KCTD14: variants seen among roughly 807,000 people sequenced by gnomAD.
The protein encoded by KCTD14 is potassium channel tetramerization domain containing 14, also known as BTB/POZ domain-containing protein KCTD14.
In KCTD14, 7 loss-of-function variants were observed where a neutral mutation model predicts 5.9. The observed-to-expected ratio is 1.19, with a 90% CI of 0.68 to 2.23. The LOEUF is 2.23. Among genes scored for constraint, KCTD14 ranks in the 30% most tolerant of loss-of-function variants. KCTD14 has a pLI of 0.00. For synonymous variants in KCTD14, 140 were observed against 133.1 expected, an observed-to-expected ratio of 1.05 and a Z score of -0.36; for missense variants, 342 against 332.2, an observed-to-expected ratio of 1.03 and a Z score of -0.23.
upstream of KCTD14, among the ~76,000 whole-genome samples, chr11:78,025,676 G>A (rs1857446464): frequency 1.3e-5 from 2 of 152,196 alleles, no homozygotes; most frequent in Admixed American, 6.5e-5. Context: ...TATAACAGTG[G>A]CCAGTGTAGA....
intron 1 of KCTD14, among the ~76,000 whole-genome samples, chr11:78,017,683 G>A (rs1364611996): frequency 2.0e-5 from 3 of 152,004 alleles, no homozygotes; most frequent in African/African-American, 7.2e-5. Context: ...GACCTCACGT[G>A]ATCCGCCTGC....
chr11:78,029,378 T>C (rs1461757073), intron 2 of KCTD14, among the ~76,000 whole-genome samples: 1 of 152,142 alleles, frequency 6.6e-6, no homozygotes, highest in Admixed American at 6.6e-5. Context: ...CTCCCGGTTA[T>C]GGGCACCCTA....
chr11:78,023,065 G>A lies in KCTD14; in HGVS notation c.90+95C>T, dbSNP rs566017786. On this transcript the variant is annotated intron_variant, in intron 1 of 1. Transcript: ENST00000353172. The stretch of plus-strand genomic sequence containing the variant: ...CCAGAAGCAGGGGGCTCGGGCGTCT[G>A]GGAGGGACGGGCAGGAGAAACTGGA... The A allele has an allele frequency of 7.7e-5, 65 of 846,182 alleles. No homozygotes were observed. In the East Asian group the frequency reaches 1.5e-3, roughly 20 times the overall value. The allele number at this position is 846,182 out of a possible 1,614,324, so 52.4% of individuals were successfully genotyped here.
At chr11:78,023,476 C>T (rs781348330), upstream of KCTD14, 9 of 520,868 alleles carry the variant, frequency 1.7e-5, no homozygotes, top group South Asian at 2.6e-5. Context: ...AAGGACTGAC[C>T]TTTTGATATA....
In KCTD14 at chr11:78,016,537, C is replaced by A. The variant is rs948444320; in HGVS notation, c.*56G>T. 8.8e-6 allele frequency: 13 copies of A among 1,476,730 alleles called. No homozygotes were observed. The highest frequency in any genetic ancestry group is 1.4e-5 in the African/African-American group (1 of 71,122). The allele number at this position is 1,476,730 out of a possible 1,614,324, so 91.5% of individuals were successfully genotyped here. ...AATTAAAAGAAAATGGCTTTGATGGCAACTTTTAATTTCATAAGCCACGCC... is the reference window on the plus strand; with the variant it reads ...AATTAAAAGAAAATGGCTTTGATGGAAACTTTTAATTTCATAAGCCACGCC... On this transcript the variant is annotated 3_prime_UTR_variant, in exon 2 of 2. Coordinates refer to ENST00000353172, the MANE Select transcript of KCTD14 (RefSeq NM_023930.4).
At chr11:78,028,338 C>A (rs1857521206) in intron 2 of KCTD14, among the ~76,000 whole-genome samples, 1 of 152,180 alleles carries the variant, frequency 6.6e-6, no homozygotes, top group African/African-American at 2.4e-5. Flanking sequence ...GGAGCAGTGG[C>A]TCGCGCCTGT....
chr11:78,042,659 T>C (rs12273220), intron 1 of KCTD14, among the ~76,000 whole-genome samples: 54,219 of 152,158 alleles, frequency 0.36, 10,906 homozygotes, highest in Non-Finnish European at 0.44. Flanking sequence ...TATCTGAGGT[T>C]CATTGCCTCA....
upstream of KCTD14, among the ~76,000 whole-genome samples, chr11:78,026,460 A>G (rs1157867790): frequency 6.6e-6 from 1 of 151,976 alleles, no homozygotes; most frequent in African/African-American, 2.4e-5. Context: ...AGAAAAGAAA[A>G]GAAAAGAAAA....
intron 1 of KCTD14, chr11:78,046,015 C>A: frequency 1.2e-6 from 1 of 801,348 alleles, no homozygotes; most frequent in Non-Finnish European, 1.5e-6. Flanking sequence ...AGGAGGGGAG[C>A]GTTTGCCAGA....
rs1266251743 is a variant in KCTD14 at position 78,017,275 on chromosome 11, G to A, written c.91-5C>T. On this transcript the variant is annotated splice_polypyrimidine_tract_variant and splice_region_variant and intron_variant, in intron 1 of 1. Coordinates refer to ENST00000353172, the MANE Select transcript of KCTD14 (RefSeq NM_023930.4). ...CAGCTCCACAACAGTAGACATCTGG[G>A]GGCACAAGAGGCAGAGTAAACCAAC... is the stretch of plus-strand genomic sequence containing the variant. The A allele has an allele frequency of 6.3e-7, 1 of 1,577,886 alleles. No individual in the cohort carries two copies. The highest frequency in any genetic ancestry group is 1.8e-5 in the Admixed American group (1 of 56,794).
At chr11:78,042,880 C>T (rs1044295007) in intron 1 of KCTD14, among the ~76,000 whole-genome samples, 3 of 152,186 alleles carry the variant, frequency 2.0e-5, no homozygotes, top group Admixed American at 6.5e-5. Context: ...TGGTCAGACC[C>T]GGTGTGCCAT....
intron 1 of KCTD14, 68 bp downstream of exon 1, chr11:78,023,092 G>A: frequency 1.9e-6 from 2 of 1,077,692 alleles, no homozygotes; most frequent in Middle Eastern, 2.1e-4. Context: ...GAAACTGGAA[G>A]GGAGGGAAGA....
intron 2 of KCTD14, among the ~76,000 whole-genome samples, chr11:78,036,215 GCTAT>G (rs1320329008): frequency 2.0e-5 from 3 of 152,168 alleles, no homozygotes; most frequent in African/African-American, 4.8e-5. Flanking sequence ...GCTTGAGAGA[GCTAT>G]CTATGTTCTG....
At position 78,045,208 on chromosome 11, in the gene KCTD14, ATCCTCTT is replaced by A. The variant is rs1383624205; in HGVS notation, c.-96+846_-96+852del. Among the ~76,000 whole-genome samples the A allele has an allele frequency of 7.9e-5, 12 of 152,180 alleles. 1 individual carries two copies. Among genetic ancestry groups the A allele is most frequent in the Middle Eastern group, 6.8e-3 (2 of 294 alleles). ...AGCCTTGACCTCCCAGGCTCAAGCAATCCTCTTGCCTCCGCCCTCAAGTAGCTGGGAC... is the reference window on the plus strand; with the variant it reads ...AGCCTTGACCTCCCAGGCTCAAGCAAGCCTCCGCCCTCAAGTAGCTGGGAC... On this transcript the variant is annotated intron_variant, in intron 1 of 2. Coordinates refer to the KCTD14 transcript ENST00000533144.
chr11:78,041,695 T>C (rs1857997641), intron 1 of KCTD14, among the ~76,000 whole-genome samples: 1 of 152,212 alleles, frequency 6.6e-6, no homozygotes, highest in Admixed American at 6.5e-5. Flanking sequence ...AGCTGAGCTT[T>C]CGCTCACCAT....
intron 1 of KCTD14, among the ~76,000 whole-genome samples, chr11:78,041,136 C>T (rs1401870071): frequency 1.3e-5 from 2 of 152,128 alleles, no homozygotes; most frequent in African/African-American, 4.8e-5. Context: ...GCTCTATCAC[C>T]CCAGGGGCCA....
chr11:78,024,056 G>C (rs900748551), upstream of KCTD14, among the ~76,000 whole-genome samples: 1 of 152,158 alleles, frequency 6.6e-6, no homozygotes, highest in Non-Finnish European at 1.5e-5. Context: ...CAATGCATCA[G>C]AGGCAAATAT....
chr11:78,037,993 A>C (rs1473752500), intron 2 of KCTD14, among the ~76,000 whole-genome samples: 1 of 25,674 alleles, frequency 3.9e-5, no homozygotes, highest in African/African-American at 8.4e-5. Flanking sequence ...AAGTTGACCA[A>C]AAAAAAAAAA....
In KCTD14 at chr11:78,017,167, C is replaced by G. The variant is rs1395516834; in HGVS notation, c.194G>C (p.Ser65Thr). ...CGCGTCCGTGGAGGCCTTGGCTAAGCTAGAGAACATCTCTGCCAGCTTTGA... is the reference window on the plus strand; with the variant it reads ...CGCGTCCGTGGAGGCCTTGGCTAAGGTAGAGAACATCTCTGCCAGCTTTGA... ...PGSKLAEMFS[S>T]LAKASTDAEG... Residue 65 changes from serine (S) to threonine (T), a missense_variant, in exon 2 of 2, where the codon AGC becomes ACC. By Grantham distance (58) the Ser-to-Thr change is moderately conservative. Transcript: ENST00000353172. The G allele has an allele frequency of 1.2e-6, 2 of 1,614,066 alleles. No homozygotes were observed. The highest frequency in any genetic ancestry group is 1.7e-6 in the Non-Finnish European group (2 of 1,179,978).
Sources: allele counts gnomAD v4.1 joint callset (sites outside exome capture counted in the v4.1 genomes callset), GRCh38; gene constraint gnomAD v4.1.1; transcripts MANE v1.5; gene names NCBI Gene and HGNC (gene_info 2026-07-23, HGNC 2026-07-21).